The following OR14J1 variants were observed in gnomAD, a reference collection of about 807,000 sequenced individuals.
OR14J1 encodes the protein olfactory receptor 14J1.
For synonymous variants in OR14J1, 140 were observed against 146.7 expected (o/e 0.95, Z 0.33); for missense variants, 378 against 393.4 (o/e 0.96, Z 0.33).
chr6:29,310,415 A>T lies in OR14J1; in HGVS notation c.*2760A>T, dbSNP rs989700407. On this transcript the variant is annotated 3_prime_UTR_variant, in exon 2 of 2. Coordinates refer to ENST00000641895, the MANE Select transcript of OR14J1 (RefSeq NM_030946.2). Reference sequence around the variant, plus strand: ...TTTTGTCAAGTTTGTCAAAGATCAGATGGTTGTAGATGTGTGGCATTATTT... The same window carrying T: ...TTTTGTCAAGTTTGTCAAAGATCAGTTGGTTGTAGATGTGTGGCATTATTT... The T allele has an allele frequency of 1.3e-5, 2 of 152,116 alleles. No individual in the cohort carries two copies. Among genetic ancestry groups the T allele is most frequent in the East Asian group, 3.9e-4 (2 of 5,192 alleles). 9.4% of individuals were successfully genotyped at this position (152,116 alleles called of 1,614,324 possible).
In OR14J1 at chr6:29,307,372, C is replaced by T; in HGVS notation, c.683C>T (p.Ser228Leu). The T allele has an allele frequency of 1.2e-6, 2 of 1,613,110 alleles. No individual in the cohort carries two copies. Among genetic ancestry groups the T allele is most frequent in the Non-Finnish European group, 1.7e-6 (2 of 1,180,032 alleles). ...TTCTCTACAGTGCTGAGAATCCCAT[C>T]AGCTGAGGGCCGGACCAAGGTCTTC... Reference protein sequence around the residue: ...RIFSTVLRIPSAEGRTKVFST... With the variant: ...RIFSTVLRIPLAEGRTKVFST... The change falls in exon 2 of 2, where the codon TCA becomes TTA. Residue 228 changes from serine to leucine, a missense_variant. Ser to Leu is a moderately radical substitution (Grantham distance 145, BLOSUM62 -2). Transcript: ENST00000641895.
At chr6:29,304,309 A>G (rs570912556) in intron 1 of OR14J1, among the ~76,000 whole-genome samples, 5 of 152,314 alleles carry the variant, frequency 3.3e-5, no homozygotes, top group African/African-American at 1.2e-4. Flanking sequence ...GGGTTTCAAC[A>G]TATGAGAGGT....
Position 29,309,436 on chromosome 6 carries a change from CTA to C in OR14J1, c.*1782_*1783del, listed in dbSNP as rs1234639378. ...CCTGGGTCAAATGGTATTTTTGGTT[CTA>C]GATCCTTGAGGAATCGCCACACTGT... On this transcript the variant is annotated 3_prime_UTR_variant, in exon 2 of 2. Transcript: ENST00000641895. The C allele has an allele frequency of 1.3e-5, 2 of 152,280 alleles. No homozygotes were observed. The highest frequency in any genetic ancestry group is 2.9e-5 in the Non-Finnish European group (2 of 68,028). 9.4% of individuals were successfully genotyped at this position (152,280 alleles called of 1,614,324 possible). A position where few individuals can be genotyped will look rare whatever the true frequency, so the allele number is the denominator to read the frequency against.
In OR14J1 at chr6:29,308,608, A is replaced by C. The variant is rs1039361039; in HGVS notation, c.*953A>C. On this transcript the variant is annotated 3_prime_UTR_variant, in exon 2 of 2. Transcript: ENST00000641895. ...ATGAATGTGTGAGATAAGGAGGCAC[A>C]AATCTTGTGAATCTGAATATCTGAT... 6.6e-6 allele frequency: 1 copy of C among 152,204 alleles called. No homozygotes were observed. The highest frequency in any genetic ancestry group is 2.4e-5 in the African/African-American group (1 of 41,454). 9.4% of individuals were successfully genotyped at this position (152,204 alleles called of 1,614,324 possible).
In OR14J1 at chr6:29,307,211, A is replaced by G. The variant is rs138405571; in HGVS notation, c.522A>G (p.Gln174=). The change falls in exon 2 of 2, where the codon CAA becomes CAG. Residue 174 remains glutamine (Q), a synonymous_variant. Transcript: ENST00000641895. ...TCTGTGGGAAGAGAGTCATTCACCAATTCTTCTGTGATGTTCCTCAGATGC... is the reference window on the plus strand; with the variant it reads ...TCTGTGGGAAGAGAGTCATTCACCAGTTCTTCTGTGATGTTCCTCAGATGC... ...IPLCGKRVIH[Q]FFCDVPQMLK... is the part of the protein sequence containing the mutation. 19 of 1,612,840 alleles carry G rather than the reference A, an allele frequency of 1.2e-5. No homozygotes were observed. In the Admixed American group the frequency reaches 2.0e-4, roughly 17 times the overall value.
chr6:29,307,219 G>T lies in OR14J1; in HGVS notation c.530G>T (p.Cys177Phe), dbSNP rs1295586715. The T allele has an allele frequency of 1.1e-5, 17 of 1,613,014 alleles. No homozygotes were observed. The highest frequency in any genetic ancestry group is 1.4e-5 in the Non-Finnish European group (17 of 1,180,028). ...AAGAGAGTCATTCACCAATTCTTCT[G>T]TGATGTTCCTCAGATGCTGAAACTA... ...CGKRVIHQFFCDVPQMLKLAC... is the reference protein window; with the variant it reads ...CGKRVIHQFFFDVPQMLKLAC... The change falls in exon 2 of 2, where the codon TGT becomes TTT. Residue 177 changes from cysteine to phenylalanine, a missense_variant. Coordinates refer to ENST00000641895, the MANE Select transcript of OR14J1 (RefSeq NM_030946.2).
chr6:29,307,641 A>G lies in OR14J1; in HGVS notation c.952A>G (p.Met318Val). Reference protein sequence around the residue: ...LPQRKMCLKAMFKL With the variant: ...LPQRKMCLKAVFKL ...TCAGAGAAAAATGTGCTTAAAAGCC[A>G]TGTTTAAACTCTGAAGAACCATACA... The change falls in exon 2 of 2, where the codon ATG becomes GTG. Residue 318 changes from methionine (M) to valine (V), a missense_variant. Physicochemically the swap from Met to Val is conservative, Grantham distance 21. Coordinates refer to ENST00000641895, the MANE Select transcript of OR14J1 (RefSeq NM_030946.2). The G allele has an allele frequency of 6.3e-7, 1 of 1,582,928 alleles. No individual in the cohort carries two copies. Among genetic ancestry groups the G allele is most frequent in the Non-Finnish European group, 8.6e-7 (1 of 1,165,786 alleles).
At position 29,306,855 on chromosome 6, in the gene OR14J1, C is replaced by T. The variant is rs1344196914; in HGVS notation, c.166C>T (p.Pro56Ser). ...TACCGTGGACCGTCGTCTCCATTCCCCCATGTATTACTTTTTAAAGCACCT... is the reference window on the plus strand; with the variant it reads ...TACCGTGGACCGTCGTCTCCATTCCTCCATGTATTACTTTTTAAAGCACCT... ...IITVDRRLHS[P>S]MYYFLKHLSL... is the part of the protein sequence containing the mutation. Residue 56 changes from proline to serine, a missense_variant, in exon 2 of 2, where the codon CCC (proline) becomes TCC (serine). Physicochemically the swap from Pro to Ser is moderately conservative, Grantham distance 74 (BLOSUM62 -1). Coordinates refer to ENST00000641895, the MANE Select transcript of OR14J1 (RefSeq NM_030946.2). The T allele has an allele frequency of 6.2e-7, 1 of 1,613,048 alleles. No homozygotes were observed. Among genetic ancestry groups the T allele is most frequent in the Admixed American group, 1.7e-5 (1 of 60,016 alleles).
Position 29,307,244 on chromosome 6 carries a change from A to G in OR14J1, c.555A>G (p.Leu185=), listed in dbSNP as rs1258088682. The G allele has an allele frequency of 6.2e-7, 1 of 1,613,028 alleles. No homozygotes were observed. Among genetic ancestry groups the G allele is most frequent in the Non-Finnish European group, 8.5e-7 (1 of 1,180,020 alleles). Residue 185 remains leucine (L), a synonymous_variant, in exon 2 of 2, where the codon CTA becomes CTG. Coordinates refer to ENST00000641895, the MANE Select transcript of OR14J1 (RefSeq NM_030946.2). ...GTGATGTTCCTCAGATGCTGAAACT[A>G]GCCTGTTCTTATGAATTCATTAATG... ...FFCDVPQMLK[L]ACSYEFINEI...
At chr6:29,303,488 T>C (rs1159496887) in intron 1 of OR14J1, among the ~76,000 whole-genome samples, 1 of 152,202 alleles carries the variant, frequency 6.6e-6, no homozygotes, top group African/African-American at 2.4e-5. Context: ...TTTGTGGATT[T>C]GCTGGAGCTG....
In OR14J1 at chr6:29,307,351, C is replaced by T. The variant is rs1462600493; in HGVS notation, c.662C>T (p.Ser221Phe). ...SIVLSYIRIF[S>F]TVLRIPSAEG... ...GTGCTCTCCTACATTCGCATCTTCT[C>T]TACAGTGCTGAGAATCCCATCAGCT... The change falls in exon 2 of 2, where the codon TCT (serine) becomes TTT (phenylalanine). Residue 221 changes from serine to phenylalanine, a missense_variant. Physicochemically the swap from Ser to Phe is radical, Grantham distance 155. Transcript: ENST00000641895. 8.1e-6 allele frequency: 13 copies of T among 1,612,970 alleles called. No individual in the cohort carries two copies. The highest frequency in any genetic ancestry group is 1.1e-5 in the Non-Finnish European group (13 of 1,180,054).
Position 29,307,388 on chromosome 6 carries a change from C to G in OR14J1, c.699C>G (p.Thr233=). The G allele has an allele frequency of 6.2e-7, 1 of 1,613,074 alleles. No homozygotes were observed. The highest frequency in any genetic ancestry group is 8.5e-7 in the Non-Finnish European group (1 of 1,180,024). ...VLRIPSAEGR[T]KVFSTCLPHL... ...GAATCCCATCAGCTGAGGGCCGGACCAAGGTCTTCTCCACCTGCCTACCAC... is the reference window on the plus strand; with the variant it reads ...GAATCCCATCAGCTGAGGGCCGGACGAAGGTCTTCTCCACCTGCCTACCAC... The change falls in exon 2 of 2, where the codon ACC becomes ACG. Residue 233 remains threonine (T), a synonymous_variant. Transcript: ENST00000641895.
Position 29,303,688 on chromosome 6 carries a change from C to CTCTATCTA in OR14J1, c.-29+1940_-29+1947dup, listed in dbSNP as rs70983984. Among the ~76,000 whole-genome samples, 967 of 149,068 alleles carry CTCTATCTA rather than the reference C, an allele frequency of 6.5e-3. 7 individuals carry two copies. The highest frequency in any genetic ancestry group is 0.012 in the East Asian group (61 of 5,044). On this transcript the variant is annotated intron_variant, in intron 1 of 1. Coordinates refer to ENST00000641895, the MANE Select transcript of OR14J1 (RefSeq NM_030946.2). ...TAAAATGGATGAGTCTTAAGATTAT[C>CTCTATCTA]TCTATCTATCTATCTATCTATCTAT...
At chr6:29,304,650 T>C (rs543833149) in intron 1 of OR14J1, among the ~76,000 whole-genome samples, 35 of 152,310 alleles carry the variant, frequency 2.3e-4, no homozygotes, top group Admixed American at 2.0e-3. Context: ...AAATTTTCCA[T>C]TTATTAATCA....
rs1189198291 is a variant in OR14J1, at chr6:29,307,155, A to ATGCATGC, written c.470_476dup (p.Ile160CysfsTer4). On this transcript the variant is annotated frameshift_variant, in exon 2 of 2. Transcript: ENST00000641895. LOFTEE classifies it low-confidence loss of function (END_TRUNC). ...GATTGCTGGGGGCCTCTCTGGGCTC[A>ATGCATGC]TGCATGCTGCCATTAACTTCTCCAT... 3 of 1,612,990 alleles carry ATGCATGC rather than the reference A, an allele frequency of 1.9e-6. No individual in the cohort carries two copies. In the East Asian group the frequency reaches 6.7e-5, roughly 36 times the overall value.
chr6:29,304,682 G>A (rs1225858927), intron 1 of OR14J1, among the ~76,000 whole-genome samples: 2 of 152,142 alleles, frequency 1.3e-5, no homozygotes, highest in Non-Finnish European at 2.9e-5. Flanking sequence ...TATTATCTAT[G>A]TCTTCAAAGA....
chr6:29,311,007 TG>T lies in OR14J1; in HGVS notation c.*3355del, dbSNP rs1352764807. On this transcript the variant is annotated 3_prime_UTR_variant, in exon 2 of 2. Transcript: ENST00000641895. ...ATTGCTTATAAGCTTAAGGAGATTT[TG>T]GGCTGAGACGATGGGGTTTTCTAAG... The T allele has an allele frequency of 6.6e-6, 1 of 152,198 alleles. No individual in the cohort carries two copies. Among genetic ancestry groups the T allele is most frequent in the Non-Finnish European group, 1.5e-5 (1 of 68,040 alleles). 9.4% of individuals were successfully genotyped at this position (152,198 alleles called of 1,614,324 possible).
In OR14J1 at chr6:29,306,832, CCGTGGACCGT is replaced by C; in HGVS notation, c.147_156del (p.Asp50SerfsTer9). 1 of 1,613,064 alleles carries C rather than the reference CCGTGGACCGT, an allele frequency of 6.2e-7. No homozygotes were observed. Among genetic ancestry groups the C allele is most frequent in the South Asian group, 1.1e-5 (1 of 91,076 alleles). On this transcript the variant is annotated frameshift_variant, in exon 2 of 2. Transcript: ENST00000641895. LOFTEE classifies it low-confidence loss of function (END_TRUNC). ...AACCTCCTCATTATCACCATCATTACCGTGGACCGTCGTCTCCATTCCCCCATGTATTACT... is the reference window on the plus strand; with the variant it reads ...AACCTCCTCATTATCACCATCATTACCGTCTCCATTCCCCCATGTATTACT...
chr6:29,312,064 A>G lies in OR14J1; in HGVS notation c.*4409A>G, dbSNP rs959066139. The G allele has an allele frequency of 2.0e-5, 3 of 151,994 alleles. No individual in the cohort carries two copies. Among genetic ancestry groups the G allele is most frequent in the African/African-American group, 7.3e-5 (3 of 41,360 alleles). The allele number at this position is 151,994 out of a possible 1,614,324, so 9.4% of individuals were successfully genotyped here. A position where few individuals can be genotyped will look rare whatever the true frequency, so the allele number is the denominator to read the frequency against. On this transcript the variant is annotated 3_prime_UTR_variant, in exon 2 of 2. Coordinates refer to ENST00000641895, the MANE Select transcript of OR14J1 (RefSeq NM_030946.2). Reference sequence around the variant, plus strand: ...TTATTTCAAAAAAACCAGCTCCTGGATTCATTGATTTTTTGAATTTTTTTG... The same window carrying G: ...TTATTTCAAAAAAACCAGCTCCTGGGTTCATTGATTTTTTGAATTTTTTTG...
Sources: gnomAD v4.1 joint callset for allele counts (sites outside exome capture counted in the v4.1 genomes callset) on GRCh38, gnomAD v4.1.1 for gene constraint, MANE v1.5 for transcripts, NCBI Gene and HGNC (gene_info 2026-07-23, HGNC 2026-07-21) for gene names.